The following ARL13B variants were observed in gnomAD, a reference collection of about 807,000 sequenced individuals.
ARL13B encodes the protein ADP-ribosylation factor-like protein 13B.
In ARL13B, 36 loss-of-function variants were observed where a neutral mutation model predicts 56.1. The observed-to-expected ratio is 0.64, with a 90% confidence interval of 0.49 to 0.85. The LOEUF (loss-of-function observed/expected upper bound fraction) is 0.85, where lower values mean the gene tolerates loss of function less well. Ranked by LOEUF, ARL13B falls within the 40% of genes least tolerant of loss-of-function variation. The probability of loss-of-function intolerance (pLI) is 0.00; values close to 1 mark genes in which losing one functional copy is unlikely to be tolerated. For missense variants in ARL13B, 519 were observed against 507.1 expected, an observed-to-expected ratio of 1.02 and a Z score of -0.23; for synonymous variants, 178 against 171.1, an observed-to-expected ratio of 1.04 and a Z score of -0.32.
At chr3:94,039,820 C>T (rs973872243) in intron 5 of ARL13B, 60 bp from the exon 6 acceptor site, 2 of 1,479,818 alleles carry the variant, frequency 1.4e-6, no homozygotes, top group Non-Finnish European at 1.9e-6. Context: ...TTGCAGTTTT[C>T]TTTAACATGG....
intron 1 of ARL13B, among the ~76,000 whole-genome samples, chr3:93,991,270 C>G (rs1204729917): frequency 6.6e-6 from 1 of 152,136 alleles, no homozygotes; most frequent in African/African-American, 2.4e-5. Flanking sequence ...AATCATCAAA[C>G]TAAAAGATAT....
chr3:94,051,161 C>G (rs1034616782), intron 9 of ARL13B, among the ~76,000 whole-genome samples: 13 of 151,890 alleles, frequency 8.6e-5, no homozygotes, highest in Non-Finnish European at 1.8e-4. Flanking sequence ...TATATTTATA[C>G]AAGGAGTTAT....
chr3:93,988,749 C>A, intron 1 of ARL13B: 1 of 437,476 alleles, frequency 2.3e-6, no homozygotes, highest in Non-Finnish European at 4.5e-6. Flanking sequence ...CCACTTTGGC[C>A]TGTTTTCCCT....
intron 7 of ARL13B, among the ~76,000 whole-genome samples, chr3:94,046,556 C>T (rs779115047): frequency 2.6e-5 from 4 of 151,768 alleles, no homozygotes; most frequent in Admixed American, 2.0e-4. Context: ...ATCCATGTAC[C>T]GTACTTTGCT....
At chr3:94,034,174 G>A (rs556752994) in intron 3 of ARL13B, among the ~76,000 whole-genome samples, 7 of 152,100 alleles carry the variant, frequency 4.6e-5, no homozygotes, top group Admixed American at 2.6e-4. Flanking sequence ...GTGAAGTAAT[G>A]TGATTCAGGC....
At chr3:94,026,858 A>T (rs2076568207) in intron 3 of ARL13B, among the ~76,000 whole-genome samples, 1 of 152,160 alleles carries the variant, frequency 6.6e-6, no homozygotes, top group Non-Finnish European at 1.5e-5. Flanking sequence ...TAAACATGAT[A>T]TTTAAAAAAG....
chr3:93,980,519 T>C, intron 1 of ARL13B, 37 bp downstream of exon 1: 1 of 1,605,688 alleles, frequency 6.2e-7, no homozygotes, highest in South Asian at 1.1e-5. Flanking sequence ...GTCCTAGGGG[T>C]TGGAGATGGC....
intron 5 of ARL13B, among the ~76,000 whole-genome samples, chr3:94,039,049 C>G (rs1444721321): frequency 2.0e-5 from 3 of 152,230 alleles, no homozygotes; most frequent in Non-Finnish European, 2.9e-5. Flanking sequence ...CTGTCATATA[C>G]TTCTATAGAA....
At position 94,055,066 on chromosome 3, in the gene ARL13B, T is replaced by A. The variant is rs900274480; in HGVS notation, c.*1803T>A. ...ACTGGCTTCATTTAATAAAAATAAATGATTTTGAAATTAAATATAATATAG... is the reference window on the plus strand; with the variant it reads ...ACTGGCTTCATTTAATAAAAATAAAAGATTTTGAAATTAAATATAATATAG... On this transcript the variant is annotated 3_prime_UTR_variant, in exon 10 of 10. Coordinates refer to ENST00000394222, the MANE Select transcript of ARL13B (RefSeq NM_001174150.2). 4.2e-5 allele frequency: 15 copies of A among 359,468 alleles called. No homozygotes were observed. The highest frequency in any genetic ancestry group is 1.9e-4 in the Admixed American group (5 of 26,506). 22.3% of individuals were successfully genotyped at this position (359,468 alleles called of 1,614,324 possible).
intron 5 of ARL13B, among the ~76,000 whole-genome samples, chr3:94,038,127 T>C (rs2076801420): frequency 6.6e-6 from 1 of 152,188 alleles, no homozygotes; most frequent in African/African-American, 2.4e-5. Flanking sequence ...AAATAATATA[T>C]TAATACTGTA....
At chr3:94,043,341 A>G (rs554357312) in intron 7 of ARL13B, 101 bp downstream of exon 7, 7 of 1,087,526 alleles carry the variant, frequency 6.4e-6, no homozygotes, top group Non-Finnish European at 9.3e-6. Context: ...CGAGTACTTC[A>G]ATATTTTTCT....
At chr3:93,981,810 G>A (rs6787472) in intron 1 of ARL13B, among the ~76,000 whole-genome samples, 1 of 137,386 alleles carries the variant, frequency 7.3e-6, no homozygotes, top group African/African-American at 2.6e-5. Flanking sequence ...GGAGGCGGAG[G>A]TTGCAGTGAG....
chr3:94,013,561 A>G (rs1045697248), intron 3 of ARL13B, among the ~76,000 whole-genome samples: 2 of 152,192 alleles, frequency 1.3e-5, no homozygotes, highest in Non-Finnish European at 2.9e-5. Flanking sequence ...AGCTAGATTC[A>G]GCTCCCAGTT....
At chr3:94,016,050 T>C (rs2076327524) in intron 3 of ARL13B, among the ~76,000 whole-genome samples, 1 of 152,150 alleles carries the variant, frequency 6.6e-6, no homozygotes, top group South Asian at 2.1e-4. Flanking sequence ...TTGACACTTA[T>C]CACATGCTGT....
chr3:94,055,617 C>CGTAAT lies in ARL13B; in HGVS notation c.*2357_*2358insATGTA. ...GCCTTTATGTGTAAAATGCATATTA[C>CGTAAT]GTAGTATACATGATATTGTATGTAA... On this transcript the variant is annotated 3_prime_UTR_variant, in exon 10 of 10. Coordinates refer to ENST00000394222, the MANE Select transcript of ARL13B (RefSeq NM_001174150.2). 1 of 453,698 alleles carries CGTAAT rather than the reference C, an allele frequency of 2.2e-6. No individual in the cohort carries two copies. The highest frequency in any genetic ancestry group is 7.0e-5 in the East Asian group (1 of 14,386). The allele number at this position is 453,698 out of a possible 1,614,324, so 28.1% of individuals were successfully genotyped here. A position where few individuals can be genotyped will look rare whatever the true frequency, so the allele number is the denominator to read the frequency against.
rs570264559 is a variant in ARL13B, at chr3:94,043,945, C to T, written c.1024+705C>T. On this transcript the variant is annotated intron_variant, in intron 7 of 9. Coordinates refer to ENST00000394222, the MANE Select transcript of ARL13B (RefSeq NM_001174150.2). ...GGTGCTGGGATTGCAGACGGAGTCT[C>T]GCTCACTCAACGCTCAATGTTGCTC... Among the ~76,000 whole-genome samples the T allele has an allele frequency of 7.9e-5, 12 of 151,804 alleles. No individual in the cohort carries two copies. In the South Asian group the frequency reaches 8.3e-4, roughly 11 times the overall value.
chr3:94,009,309 C>A (rs1054731768), intron 3 of ARL13B, among the ~76,000 whole-genome samples: 1 of 151,936 alleles, frequency 6.6e-6, no homozygotes, highest in African/African-American at 2.4e-5. Flanking sequence ...TTAATTATTA[C>A]TTTTTCAACA....
chr3:93,981,268 G>A (rs1278386776), intron 1 of ARL13B, among the ~76,000 whole-genome samples: 1 of 152,140 alleles, frequency 6.6e-6, no homozygotes, highest in African/African-American at 2.4e-5. Flanking sequence ...TTGAAACTGA[G>A]GCCTAACCTA....
intron 3 of ARL13B, among the ~76,000 whole-genome samples, chr3:94,031,046 G>C (rs2076668209): frequency 6.6e-6 from 1 of 152,012 alleles, no homozygotes; most frequent in East Asian, 1.9e-4. Flanking sequence ...TCGAACACTA[G>C]CTGGGCATAG....
Sources: gnomAD v4.1 joint callset for allele counts (sites outside exome capture counted in the v4.1 genomes callset) on GRCh38, gnomAD v4.1.1 for gene constraint, MANE v1.5 for transcripts, NCBI Gene and HGNC (gene_info 2026-07-23, HGNC 2026-07-21) for gene names.